GPHN: variants seen among roughly 807,000 people sequenced by gnomAD.
The protein encoded by GPHN is gephyrin.
A neutral mutation model predicts 95.5 loss-of-function variants in GPHN; 17 were observed. The ratio of observed to expected loss-of-function variants is 0.18; its 90% CI spans 0.12 to 0.27. GPHN has a LOEUF of 0.27. GPHN is among the 10% of genes least tolerant of loss of function. GPHN has a pLI of 1.00. For missense variants in GPHN, 660 were observed against 978.1 expected (o/e 0.67, Z 4.34); for synonymous variants, 320 against 322.5 (o/e 0.99, Z 0.08).
intron 10 of GPHN, among the ~76,000 whole-genome samples, chr14:67,029,951 C>T (rs1594869538): frequency 1.3e-5 from 2 of 149,514 alleles, no homozygotes; most frequent in Non-Finnish European, 3.0e-5. Context: ...TCCTTTTAAA[C>T]TATCTGTTTG....
At chr14:67,531,144 T>A in the GPHN span, among the ~76,000 whole-genome samples, 1 of 151,900 alleles carries the variant, frequency 6.6e-6, no homozygotes, top group East Asian at 1.9e-4. Flanking sequence ...GCTCTAGGGG[T>A]GATGGTGGGT....
the GPHN span, chr14:67,447,605 C>A: frequency 1.3e-5 from 2 of 149,358 alleles, no homozygotes; most frequent in African/African-American, 4.9e-5. Context: ...CAGGAGAAGG[C>A]AGATGAGCCT....
intron 2 of GPHN, among the ~76,000 whole-genome samples, chr14:66,737,111 G>T (rs1381177510): frequency 6.6e-6 from 1 of 152,122 alleles, no homozygotes; most frequent in Non-Finnish European, 1.5e-5. Flanking sequence ...ACATATTAAT[G>T]TTTTCTAATA....
the GPHN span, among the ~76,000 whole-genome samples, chr14:67,704,253 G>C: frequency 6.6e-6 from 1 of 152,154 alleles, no homozygotes; most frequent in Non-Finnish European, 1.5e-5. Flanking sequence ...GGTAGAAGGA[G>C]GAGGAGCAGC....
intron 1 of GPHN, among the ~76,000 whole-genome samples, chr14:66,601,871 A>T (rs1490749487): frequency 6.6e-6 from 1 of 151,996 alleles, no homozygotes. Flanking sequence ...CTCATTAGCC[A>T]TACCTCTTAA....
chr14:66,779,260 G>T (rs1454462558), intron 3 of GPHN, among the ~76,000 whole-genome samples: 2 of 152,066 alleles, frequency 1.3e-5, no homozygotes, highest in African/African-American at 4.8e-5. Context: ...AAATATTTTA[G>T]CTAGGAGGAA....
intron 1 of GPHN, among the ~76,000 whole-genome samples, chr14:66,554,852 G>GGT (rs1430980130): frequency 6.6e-6 from 1 of 152,160 alleles, no homozygotes; most frequent in African/African-American, 2.4e-5. Flanking sequence ...GTAGGTGATA[G>GGT]GTACCTCCAA....
chr14:66,661,292 C>T (rs1175372077), intron 1 of GPHN, among the ~76,000 whole-genome samples: 3 of 152,180 alleles, frequency 2.0e-5, no homozygotes, highest in Non-Finnish European at 2.9e-5. Context: ...GGCAGACTAC[C>T]ATCTTTGCTG....
At chr14:67,070,715 A>AAAAAAAAAAAATATATATATAT in intron 11 of GPHN, among the ~76,000 whole-genome samples, 17 of 80,664 alleles carry the variant, frequency 2.1e-4, no homozygotes, top group Admixed American at 1.0e-3. Flanking sequence ...AAAAAAAAAA[A>AAAAAAAAAAAATATATATATAT]ATATATATAT....
chr14:67,160,524 G>A (rs916643726), intron 19 of GPHN, among the ~76,000 whole-genome samples: 4 of 152,242 alleles, frequency 2.6e-5, no homozygotes, highest in Admixed American at 2.0e-4. Flanking sequence ...GTTGCCAAAC[G>A]TTGGTATTAG....
At chr14:66,641,722 CT>C (rs2064424208) in intron 1 of GPHN, among the ~76,000 whole-genome samples, 2 of 150,864 alleles carry the variant, frequency 1.3e-5, no homozygotes, top group Admixed American at 1.3e-4. Context: ...TAATTTACAA[CT>C]ATATAACATT....
At chr14:66,623,082 G>C (rs1476181092) in intron 1 of GPHN, among the ~76,000 whole-genome samples, 2 of 152,180 alleles carry the variant, frequency 1.3e-5, no homozygotes, top group Non-Finnish European at 2.9e-5. Context: ...TGGACTTACA[G>C]TTCTTCATGA....
At chr14:67,310,171 G>A in the GPHN span, among the ~76,000 whole-genome samples, 1 of 151,806 alleles carries the variant, frequency 6.6e-6, no homozygotes, top group African/African-American at 2.4e-5. Flanking sequence ...TCTTAACTGT[G>A]TTTTGATTCA....
At chr14:67,199,467 C>T in the GPHN span, 2 of 1,612,990 alleles carry the variant, frequency 1.2e-6, no homozygotes, top group Non-Finnish European at 1.7e-6. Context: ...ATGTGGGACC[C>T]TGACACAGGC....
chr14:67,335,183 G>GTAGA, the GPHN span: 6 of 152,336 alleles, frequency 3.9e-5, no homozygotes, highest in Admixed American at 1.3e-4. Flanking sequence ...ATCAGCAATG[G>GTAGA]TAGATAGAAA....
the GPHN span, among the ~76,000 whole-genome samples, chr14:67,431,468 C>T: frequency 1.3e-5 from 2 of 148,386 alleles, no homozygotes; most frequent in East Asian, 2.0e-4. Flanking sequence ...GTAGGAGAAT[C>T]GCTTGAGCCC....
chr14:67,037,909 TTAAAAA>T (rs2074505554), intron 10 of GPHN, among the ~76,000 whole-genome samples: 1 of 151,910 alleles, frequency 6.6e-6, no homozygotes, highest in Non-Finnish European at 1.5e-5. Flanking sequence ...CTTCAAAAAA[TTAAAAA>T]TAGAACTTTC....
At chr14:66,548,803 G>A (rs1394181086) in intron 1 of GPHN, among the ~76,000 whole-genome samples, 3 of 152,190 alleles carry the variant, frequency 2.0e-5, no homozygotes, top group Non-Finnish European at 4.4e-5. Flanking sequence ...GGAAAGGTAG[G>A]CCTCTTGTGC....
chr14:67,222,081 G>C, the GPHN span: 1 of 382,132 alleles, frequency 2.6e-6, no homozygotes, highest in Non-Finnish European at 4.6e-6. Flanking sequence ...CCAGTTCCCT[G>C]TATCTAAATC....
Sources: gnomAD v4.1 joint callset for allele counts (sites outside exome capture counted in the v4.1 genomes callset) on GRCh38, gnomAD v4.1.1 for gene constraint, MANE v1.5 for transcripts, NCBI Gene and HGNC (gene_info 2026-07-23, HGNC 2026-07-21) for gene names.